The following XYLT1 variants were observed in gnomAD, a reference collection of about 807,000 sequenced individuals.
XYLT1 encodes xylosyltransferase 1.
A neutral mutation model predicts 91.3 loss-of-function variants in XYLT1; 36 were observed. That is an observed-to-expected ratio of 0.39 (90% confidence interval 0.30 to 0.52). The LOEUF (loss-of-function observed/expected upper bound fraction) is 0.52, where lower values mean the gene tolerates loss of function less well. Among genes scored for constraint, XYLT1 ranks in the 20% least tolerant of loss-of-function variants. The pLI, the probability that XYLT1 is intolerant of heterozygous loss-of-function variation, is 0.68. For missense variants in XYLT1, 1,242 were observed against 1,284.5 expected (o/e 0.97, Z 0.51); for synonymous variants, 588 against 532.0 (o/e 1.11, Z -1.45).
intron 2 of XYLT1, among the ~76,000 whole-genome samples, chr16:17,355,833 C>A (rs907849560): frequency 6.6e-6 from 1 of 152,090 alleles, no homozygotes; most frequent in Non-Finnish European, 1.5e-5. Context: ...CCTCAGCCTC[C>A]CAAGTAGCTG....
chr16:17,317,330 C>T (rs62032041), intron 2 of XYLT1, among the ~76,000 whole-genome samples: 38,139 of 151,794 alleles, frequency 0.25, 5,437 homozygotes, highest in African/African-American at 0.39. Flanking sequence ...TTAAAATTAA[C>T]CACAATAAAT....
intron 3 of XYLT1, among the ~76,000 whole-genome samples, chr16:17,214,354 T>C (rs951422245): frequency 2.0e-5 from 3 of 152,220 alleles, no homozygotes; most frequent in African/African-American, 7.2e-5. Context: ...TTCTAGCTCA[T>C]CATCAGTAAA....
chr16:17,459,919 G>A (rs1031517564), intron 1 of XYLT1, among the ~76,000 whole-genome samples: 1 of 152,204 alleles, frequency 6.6e-6, no homozygotes, highest in Non-Finnish European at 1.5e-5. Context: ...GACGCTGTGA[G>A]GAAGGAACGC....
intron 6 of XYLT1, among the ~76,000 whole-genome samples, chr16:17,158,458 TGACTGAATGAACGATCTGGGGACGTTG>T (rs2031467550): frequency 6.6e-6 from 1 of 152,232 alleles, no homozygotes; most frequent in Admixed American, 6.5e-5. Context: ...AATGAGTGGC[TGACTGAATGAACGATCTGGGGACGTTG>T]CTTACATTAT....
intron 2 of XYLT1, among the ~76,000 whole-genome samples, chr16:17,293,482 T>C (rs1402644388): frequency 6.7e-6 from 1 of 149,046 alleles, no homozygotes; most frequent in South Asian, 2.1e-4. Context: ...CATAAAGATT[T>C]TCTCCCTCCT....
rs2030219766 is a variant in XYLT1 at position 17,125,305 on chromosome 16, G to GCT, written c.2223+2359_2223+2360dup. Among the ~76,000 whole-genome samples, 5 of 152,280 alleles carry GCT rather than the reference G, an allele frequency of 3.3e-5. No individual in the cohort carries two copies. The East Asian group carries it at 9.7e-4, about 29-fold the overall frequency. On this transcript the variant is annotated intron_variant, in intron 10 of 11. Coordinates refer to ENST00000261381, the MANE Select transcript of XYLT1 (RefSeq NM_022166.4). ...TTCATGATGTGGGGCTCCATACACT[G>GCT]CTCTGTCCATCCGAGTGGAAGCTGC...
intron 1 of XYLT1, among the ~76,000 whole-genome samples, chr16:17,372,699 A>G (rs2035551704): frequency 6.6e-6 from 1 of 152,200 alleles, no homozygotes; most frequent in South Asian, 2.1e-4. Flanking sequence ...AGAACATGGA[A>G]ACTTGTATCA....
chr16:17,470,742 G>A lies in XYLT1; in HGVS notation c.55C>T (p.Leu19Phe). 1 of 1,125,444 alleles carries A rather than the reference G, an allele frequency of 8.9e-7. No homozygotes were observed. The highest frequency in any genetic ancestry group is 2.0e-5 in the South Asian group (1 of 49,738). The allele number at this position is 1,125,444 out of a possible 1,614,324, so 69.7% of individuals were successfully genotyped here. ...RLARRSHSAL[L>F]AALTVLLLQT... ...AGCAGCAGCACCGTGAGCGCCGCGA[G>A]CAGCGCCGAGTGCGAGCGCCGGGCC... is the stretch of plus-strand genomic sequence containing the variant. The change falls in exon 1 of 12, where the codon CTC (leucine) becomes TTC (phenylalanine). Residue 19 changes from leucine to phenylalanine, a missense_variant. Physicochemically the swap from Leu to Phe is conservative, Grantham distance 22. Coordinates refer to ENST00000261381, the MANE Select transcript of XYLT1 (RefSeq NM_022166.4).
rs1032989139 is a variant in XYLT1 at position 17,265,848 on chromosome 16, C to G, written c.403-6350G>C. 2.6e-5 allele frequency among the ~76,000 whole-genome samples: 4 copies of G among 152,062 alleles called. No individual in the cohort carries two copies. In the East Asian group the frequency reaches 7.7e-4, roughly 29 times the overall value. ...TTTCTGAGGGGTGGGGGTGGGTTGC[C>G]GTGATTTTTAAACTATCCACCTTTG... On this transcript the variant is annotated intron_variant, in intron 2 of 11. Coordinates refer to ENST00000261381, the MANE Select transcript of XYLT1 (RefSeq NM_022166.4).
intron 3 of XYLT1, among the ~76,000 whole-genome samples, chr16:17,222,552 G>A (rs979606108): frequency 2.0e-5 from 3 of 152,190 alleles, no homozygotes; most frequent in African/African-American, 7.2e-5. Flanking sequence ...CACTTTGGGA[G>A]GTGGAGGCGG....
At chr16:17,194,581 T>G (rs908457111) in intron 5 of XYLT1, among the ~76,000 whole-genome samples, 1 of 152,208 alleles carries the variant, frequency 6.6e-6, no homozygotes, top group African/African-American at 2.4e-5. Context: ...ACATCCCTGC[T>G]GCAGGCAGTC....
intron 5 of XYLT1, among the ~76,000 whole-genome samples, chr16:17,173,460 C>T (rs1269413339): frequency 6.6e-6 from 1 of 152,256 alleles, no homozygotes; most frequent in East Asian, 1.9e-4. Context: ...CACATACCAT[C>T]CTTGCTAGAA....
chr16:17,244,252 T>A (rs1299939372), intron 3 of XYLT1, among the ~76,000 whole-genome samples: 2 of 151,984 alleles, frequency 1.3e-5, no homozygotes, highest in Non-Finnish European at 2.9e-5. Flanking sequence ...TGGGTCAGAA[T>A]CCCTGGGGGT....
At chr16:17,248,635 C>A (rs2033482554) in intron 3 of XYLT1, among the ~76,000 whole-genome samples, 1 of 152,130 alleles carries the variant, frequency 6.6e-6, no homozygotes, top group African/African-American at 2.4e-5. Flanking sequence ...CCTGGAATGT[C>A]CCCCTCCAGC....
At chr16:17,194,503 T>G (rs1194588731) in intron 5 of XYLT1, among the ~76,000 whole-genome samples, 1 of 152,138 alleles carries the variant, frequency 6.6e-6, no homozygotes, top group Non-Finnish European at 1.5e-5. Flanking sequence ...AGGAAGAATG[T>G]GGGAACTTTG....
intron 3 of XYLT1, among the ~76,000 whole-genome samples, chr16:17,212,790 G>T (rs1723380523): frequency 6.6e-6 from 1 of 152,178 alleles, no homozygotes; most frequent in Non-Finnish European, 1.5e-5. Context: ...GGAAACTGGT[G>T]GGATAGATAT....
At chr16:17,393,561 C>T (rs375855137) in intron 1 of XYLT1, among the ~76,000 whole-genome samples, 26 of 152,184 alleles carry the variant, frequency 1.7e-4, no homozygotes, top group African/African-American at 5.3e-4. Context: ...GCTGTCATAT[C>T]TCAATGTAGA....
At chr16:17,444,207 G>A (rs2141944187) in intron 1 of XYLT1, among the ~76,000 whole-genome samples, 1 of 152,284 alleles carries the variant, frequency 6.6e-6, no homozygotes, top group Admixed American at 6.5e-5. Context: ...ACAAGTCTCA[G>A]CCCACCATAG....
At chr16:17,217,995 C>T (rs73523124) in intron 3 of XYLT1, among the ~76,000 whole-genome samples, 12,954 of 151,430 alleles carry the variant, frequency 0.086, 1,013 homozygotes, top group African/African-American at 0.2. Flanking sequence ...GGGGTCCAGG[C>T]GCAGCGGTTC....
Sources: allele counts gnomAD v4.1 joint callset (sites outside exome capture counted in the v4.1 genomes callset), GRCh38; gene constraint gnomAD v4.1.1; transcripts MANE v1.5; gene names NCBI Gene and HGNC (gene_info 2026-07-23, HGNC 2026-07-21).